Variants in GK5 observed in about 807,000 individuals in gnomAD.
The protein encoded by GK5 is ATP:glycerol 3-phosphotransferase 5.
GK5 carries 39 observed loss-of-function variants against 77.3 expected under a neutral mutation model. That is an observed-to-expected ratio of 0.50 (90% CI 0.39 to 0.66). The LOEUF (loss-of-function observed/expected upper bound fraction) is 0.66. GK5 is among the 30% of genes least tolerant of loss of function. The probability of loss-of-function intolerance (pLI) is 0.00; values close to 1 mark genes in which losing one functional copy is unlikely to be tolerated. For missense variants in GK5, 487 were observed against 633.8 expected, an observed-to-expected ratio of 0.77 and a Z score of 2.49; for synonymous variants, 211 against 208.0, an observed-to-expected ratio of 1.01 and a Z score of -0.13.
intron 1 of GK5, among the ~76,000 whole-genome samples, chr3:142,218,956 A>G (rs2064308557): frequency 6.6e-6 from 1 of 152,226 alleles, no homozygotes; most frequent in Non-Finnish European, 1.5e-5. Flanking sequence ...ACTCCACTAA[A>G]GAAAACATGT....
At chr3:142,180,376 C>T (rs1156364222) in intron 11 of GK5, among the ~76,000 whole-genome samples, 2 of 151,498 alleles carry the variant, frequency 1.3e-5, no homozygotes, top group Admixed American at 6.6e-5. Flanking sequence ...GATCTCGGCT[C>T]GCCACAACCT....
At chr3:142,174,689 C>A (rs1029848430) in intron 12 of GK5, among the ~76,000 whole-genome samples, 8 of 152,166 alleles carry the variant, frequency 5.3e-5, no homozygotes, top group African/African-American at 1.9e-4. Flanking sequence ...AATCCACAGG[C>A]CCTGTTAACT....
chr3:142,223,218 T>A (rs921800110), intron 1 of GK5, among the ~76,000 whole-genome samples: 14 of 152,342 alleles, frequency 9.2e-5, no homozygotes, highest in Non-Finnish European at 1.8e-4. Context: ...ACTGTGAAAC[T>A]TTGCATTTTC....
chr3:142,200,098 T>TATAC (rs558125880), intron 4 of GK5, among the ~76,000 whole-genome samples: 2 of 148,794 alleles, frequency 1.3e-5, no homozygotes, highest in African/African-American at 2.5e-5. Context: ...TATATATATA[T>TATAC]ACACACACAC....
At chr3:142,219,534 G>A (rs561069385) in intron 1 of GK5, among the ~76,000 whole-genome samples, 1 of 152,292 alleles carries the variant, frequency 6.6e-6, no homozygotes, top group Admixed American at 6.5e-5. Context: ...ACTGTGTTAC[G>A]GAAAACAGAT....
chr3:142,157,529 C>T lies in GK5; in HGVS notation c.*8093G>A, dbSNP rs1045363881. The T allele has an allele frequency of 6.6e-5, 10 of 152,152 alleles. No individual in the cohort carries two copies. The highest frequency in any genetic ancestry group is 1.5e-4 in the Non-Finnish European group (10 of 68,016). 9.4% of individuals were successfully genotyped at this position (152,152 alleles called of 1,614,324 possible). On this transcript the variant is annotated 3_prime_UTR_variant, in exon 16 of 16. Coordinates refer to ENST00000392993, the MANE Select transcript of GK5 (RefSeq NM_001039547.3). ...ACTCAAAGCAAATAACAGAGAAACA[C>T]AATATAAAAATGGCTTTAATATACC...
chr3:142,198,824 C>T lies in GK5; in HGVS notation c.521G>A (p.Trp174Ter). ...TTQQTSLRLV[W>*]ILQNLTEVQK... is the part of the protein sequence containing the mutation. ...TACCTCAGTCAAGTTCTGTAAAATC[C>T]AGACCAATCTCAAAGAAGTCTGCTG... Residue 174 changes from tryptophan (W) to a stop codon, truncating the protein, a stop_gained, in exon 5 of 16, where the codon TGG becomes TAG. Coordinates refer to ENST00000392993, the MANE Select transcript of GK5 (RefSeq NM_001039547.3). LOFTEE classifies it high-confidence loss of function. The T allele has an allele frequency of 1.2e-6, 2 of 1,611,042 alleles. No individual in the cohort carries two copies. The highest frequency in any genetic ancestry group is 8.5e-7 in the Non-Finnish European group (1 of 1,178,710).
chr3:142,170,108 T>G (rs1179302919), intron 15 of GK5: 1 of 620,816 alleles, frequency 1.6e-6, no homozygotes, highest in South Asian at 1.8e-5. Context: ...CTCATACTTC[T>G]GACTGAAGGG....
rs544042804 is a variant in GK5 at position 142,212,007 on chromosome 3, G to A, written c.317+1519C>T. On this transcript the variant is annotated intron_variant, in intron 3 of 15. Transcript: ENST00000392993. Reference sequence around the variant, plus strand: ...TTCTATCATACAGCCCAAACATCAAGGCCAGCAGTATTGGTAAATTCAAAT... The same window carrying A: ...TTCTATCATACAGCCCAAACATCAAAGCCAGCAGTATTGGTAAATTCAAAT... 1.2e-4 allele frequency among the ~76,000 whole-genome samples: 18 copies of A among 152,184 alleles called. No individual in the cohort carries two copies. In the South Asian group the frequency reaches 3.7e-3, roughly 32 times the overall value.
rs1361985953 is a variant in GK5, at chr3:142,215,603, G to T, written c.237C>A (p.Val79=). The T allele has an allele frequency of 1.8e-5, 27 of 1,516,960 alleles. No homozygotes were observed. The highest frequency in any genetic ancestry group is 2.4e-5 in the Non-Finnish European group (26 of 1,097,540). The allele number at this position is 1,516,960 out of a possible 1,614,324, so 94.0% of individuals were successfully genotyped here. ...TATTTTTATAAATCCAATTACCTTT[G>T]ACTGCTTCTTTTATTACGGCAACAA... ...IQFVAVIKEA[V]KAAGIQMNQI... The change falls in exon 2 of 16, where the codon GTC becomes GTA. Residue 79 remains valine (V), a synonymous_variant. Coordinates refer to ENST00000392993, the MANE Select transcript of GK5 (RefSeq NM_001039547.3).
Position 142,163,032 on chromosome 3 carries a change from C to T in GK5, c.*2590G>A, listed in dbSNP as rs571727482. 2.0e-5 allele frequency: 3 copies of T among 151,002 alleles called. No homozygotes were observed. Among genetic ancestry groups the T allele is most frequent in the East Asian group, 3.9e-4 (2 of 5,146 alleles). 9.4% of individuals were successfully genotyped at this position (151,002 alleles called of 1,614,324 possible). ...AAAAAAAGAAAGGACAATTTTGTTG[C>T]TCAATTGATCTTATCAACTGTTTCT... is the stretch of plus-strand genomic sequence containing the variant. On this transcript the variant is annotated 3_prime_UTR_variant, in exon 16 of 16. Coordinates refer to ENST00000392993, the MANE Select transcript of GK5 (RefSeq NM_001039547.3).
chr3:142,179,830 G>A (rs1184855151), intron 11 of GK5, among the ~76,000 whole-genome samples: 3 of 152,118 alleles, frequency 2.0e-5, no homozygotes, highest in Non-Finnish European at 1.5e-5. Context: ...TAAGAATCTT[G>A]GAGGAATAAA....
rs1466414733 is a variant in GK5, at chr3:142,161,647, G to C, written c.*3975C>G. The C allele has an allele frequency of 6.6e-6, 1 of 152,084 alleles. No individual in the cohort carries two copies. Among genetic ancestry groups the C allele is most frequent in the Non-Finnish European group, 1.5e-5 (1 of 67,982 alleles). 9.4% of individuals were successfully genotyped at this position (152,084 alleles called of 1,614,324 possible). On this transcript the variant is annotated 3_prime_UTR_variant, in exon 16 of 16. Transcript: ENST00000392993. ...ATCTCCTTTGTTCAGAGATAAAAAGGAAGCAAAAAAGCAGGTCAAATCAAA... is the reference window on the plus strand; with the variant it reads ...ATCTCCTTTGTTCAGAGATAAAAAGCAAGCAAAAAAGCAGGTCAAATCAAA...
intron 4 of GK5, chr3:142,204,263 CT>C (rs1447931298): frequency 4.3e-6 from 1 of 232,544 alleles, no homozygotes; most frequent in South Asian, 5.8e-5. Flanking sequence ...AGCAATCCCC[CT>C]GCCTCAGCCT....
At position 142,172,476 on chromosome 3, in the gene GK5, G is replaced by A. The variant is rs764870896; in HGVS notation, c.1144-20C>T. ...TGGAGCCTACAGTAAGAGATAACAAGAATATATTATTATTATTCTAAATTA... is the reference window on the plus strand; with the variant it reads ...TGGAGCCTACAGTAAGAGATAACAAAAATATATTATTATTATTCTAAATTA... On this transcript the variant is annotated intron_variant, in intron 12 of 15. Transcript: ENST00000392993. 28 of 1,288,228 alleles carry A rather than the reference G, an allele frequency of 2.2e-5. No homozygotes were observed. Among genetic ancestry groups the A allele is most frequent in the Non-Finnish European group, 3.0e-5 (27 of 899,124 alleles). 79.8% of individuals were successfully genotyped at this position (1,288,228 alleles called of 1,614,324 possible).
intron 4 of GK5, among the ~76,000 whole-genome samples, chr3:142,201,809 T>C (rs1241815330): frequency 6.6e-6 from 1 of 152,218 alleles, no homozygotes; most frequent in Non-Finnish European, 1.5e-5. Context: ...CTGTACTGTT[T>C]CTTACAACTG....
At chr3:142,225,183 C>T in intron 1 of GK5, 126 bp downstream of exon 1, 2 of 1,063,968 alleles carry the variant, frequency 1.9e-6, no homozygotes, top group Non-Finnish European at 2.5e-6. Flanking sequence ...CCCCAGGGCC[C>T]GCGGGTGCTG....
chr3:142,166,270 A>G (rs73236072), intron 15 of GK5, among the ~76,000 whole-genome samples: 12,394 of 152,210 alleles, frequency 0.081, 642 homozygotes, highest in Middle Eastern at 0.13. Flanking sequence ...ACAGAAGAAA[A>G]AAAAAGAGAA....
At chr3:142,169,105 G>C (rs1408845468) in intron 15 of GK5, among the ~76,000 whole-genome samples, 1 of 152,196 alleles carries the variant, frequency 6.6e-6, no homozygotes, top group Non-Finnish European at 1.5e-5. Flanking sequence ...CAGAGACTAT[G>C]GCTTTTAATC....
Sources: allele counts gnomAD v4.1 joint callset (sites outside exome capture counted in the v4.1 genomes callset), GRCh38; gene constraint gnomAD v4.1.1; transcripts MANE v1.5; gene names NCBI Gene and HGNC (gene_info 2026-07-23, HGNC 2026-07-21).